The following CHRNA6 variants were observed in gnomAD, a reference collection of about 807,000 sequenced individuals.
The protein encoded by CHRNA6 is neuronal acetylcholine receptor subunit alpha-6.
A neutral mutation model predicts 40.9 loss-of-function variants in CHRNA6; 31 were observed. The ratio of observed to expected loss-of-function variants is 0.76; its 90% confidence interval spans 0.57 to 1.02. The LOEUF (loss-of-function observed/expected upper bound fraction) is 1.02, where lower values mean the gene tolerates loss of function less well. Ranked by LOEUF, CHRNA6 falls within the 50% of genes least tolerant of loss-of-function variation. The pLI, the probability that CHRNA6 is intolerant of heterozygous loss-of-function variation, is 0.00. For synonymous variants in CHRNA6, 222 were observed against 221.3 expected, an observed-to-expected ratio of 1.00 and a Z score of -0.03; for missense variants, 546 against 596.6, an observed-to-expected ratio of 0.92 and a Z score of 0.88.
intron 2 of CHRNA6, among the ~76,000 whole-genome samples, chr8:42,760,222 C>T (rs955057165): frequency 2.6e-5 from 4 of 152,016 alleles, no homozygotes; most frequent in African/African-American, 7.3e-5. Context: ...TGCACACACA[C>T]GCACACTCAT....
intron 2 of CHRNA6, among the ~76,000 whole-genome samples, chr8:42,761,512 A>G (rs1362181783): frequency 6.6e-6 from 1 of 152,272 alleles, no homozygotes; most frequent in Admixed American, 6.5e-5. Flanking sequence ...CACTGTGTTC[A>G]GAAGGCTGAG....
chr8:42,759,290 C>T (rs1385801171), intron 2 of CHRNA6, 177 bp from the exon 3 acceptor site: 9 of 590,294 alleles, frequency 1.5e-5, no homozygotes, highest in Admixed American at 2.8e-5. Context: ...ATTTTCACAT[C>T]TGGCTCCAGC....
intron 5 of CHRNA6, among the ~76,000 whole-genome samples, chr8:42,755,637 T>G (rs1025698613): frequency 6.6e-6 from 1 of 152,154 alleles, no homozygotes; most frequent in Non-Finnish European, 1.5e-5. Context: ...GGAGATTTGC[T>G]CTGGGGCTAT....
At chr8:42,758,965 GATA>G in intron 3 of CHRNA6, 101 bp downstream of exon 3, 2 of 912,888 alleles carry the variant, frequency 2.2e-6, no homozygotes, top group Admixed American at 1.8e-5. Context: ...TGACCTAGTG[GATA>G]ATATTTTATA....
chr8:42,760,375 T>C (rs527563134), intron 2 of CHRNA6, among the ~76,000 whole-genome samples: 13 of 148,524 alleles, frequency 8.8e-5, no homozygotes, highest in Middle Eastern at 7.8e-3. Context: ...TGCAAACTCA[T>C]ATACCCACTC....
chr8:42,760,338 G>A (rs1028050196), intron 2 of CHRNA6, among the ~76,000 whole-genome samples: 9 of 147,164 alleles, frequency 6.1e-5, no homozygotes, highest in Non-Finnish European at 1.0e-4. Flanking sequence ...ACACTCATGC[G>A]CACACACACT....
chr8:42,755,776 A>G (rs973501376), intron 5 of CHRNA6, 70 bp downstream of exon 5: 6 of 1,515,040 alleles, frequency 4.0e-6, no homozygotes, highest in Non-Finnish European at 5.4e-6. Context: ...TGAAGGTCTG[A>G]CTGTGCATCC....
Position 42,756,458 on chromosome 8 carries a change from C to T in CHRNA6, c.741G>A (p.Leu247=). ...ATGAAATAAAGAGACAAGGGATGAT[C>T]AGATTAATCGTGTAAAACATCGGCA... ...RRLPMFYTIN[L]IIPCLFISFL... The change falls in exon 5 of 6, where the codon CTG becomes CTA. Residue 247 remains leucine, a synonymous_variant. Transcript: ENST00000276410. 1 of 1,614,188 alleles carries T rather than the reference C, an allele frequency of 6.2e-7. No individual in the cohort carries two copies. Among genetic ancestry groups the T allele is most frequent in the Non-Finnish European group, 8.5e-7 (1 of 1,180,040 alleles).
chr8:42,764,596 G>A (rs1316422577), intron 2 of CHRNA6, among the ~76,000 whole-genome samples: 2 of 152,104 alleles, frequency 1.3e-5, no homozygotes, highest in Non-Finnish European at 2.9e-5. Context: ...CAAAGTGCTG[G>A]GATTACAGGA....
chr8:42,760,411 C>T (rs1418914492), intron 2 of CHRNA6, among the ~76,000 whole-genome samples: 1 of 152,062 alleles, frequency 6.6e-6, no homozygotes, highest in Non-Finnish European at 1.5e-5. Context: ...CATTCGTACT[C>T]TTATACGTAT....
At chr8:42,759,895 CA>C (rs796621742) in intron 2 of CHRNA6, among the ~76,000 whole-genome samples, 40,497 of 99,326 alleles carry the variant, frequency 0.41, 8,600 homozygotes, top group African/African-American at 0.68. Context: ...GACTCCATCT[CA>C]AAAAAAAAAA....
In CHRNA6 at chr8:42,753,134, C is replaced by T. The variant is rs770116227; in HGVS notation, c.*45G>A. On this transcript the variant is annotated 3_prime_UTR_variant, in exon 6 of 6. Transcript: ENST00000276410. ...TTTCCTTGTGGCAGGGAATGCAGAACAAATATGGTGTCTGTAAATTTCTGA... is the reference window on the plus strand; with the variant it reads ...TTTCCTTGTGGCAGGGAATGCAGAATAAATATGGTGTCTGTAAATTTCTGA... The T allele has an allele frequency of 6.4e-7, 1 of 1,556,384 alleles. No individual in the cohort carries two copies. The highest frequency in any genetic ancestry group is 8.7e-7 in the Non-Finnish European group (1 of 1,152,916).
intron 5 of CHRNA6, among the ~76,000 whole-genome samples, chr8:42,754,676 C>G (rs1009918138): frequency 7.2e-5 from 11 of 152,200 alleles, no homozygotes; most frequent in Non-Finnish European, 1.5e-5. Context: ...GAGGTCAAAC[C>G]TAGACACCAG....
chr8:42,755,700 C>A, intron 5 of CHRNA6, 146 bp downstream of exon 5: 1 of 926,844 alleles, frequency 1.1e-6, no homozygotes. Context: ...CCACCCATAA[C>A]CACATAATAA....
At position 42,764,482 on chromosome 8, in the gene CHRNA6, T is replaced by C. The variant is rs534745889; in HGVS notation, c.219+583A>G. On this transcript the variant is annotated intron_variant, in intron 2 of 5. Coordinates refer to ENST00000276410, the MANE Select transcript of CHRNA6 (RefSeq NM_004198.3). Reference sequence around the variant, plus strand: ...AGCAGGAGCTACAGGCATGTGCCACTACACCTGGCTAATTTTTGCATTTTT... The same window carrying C: ...AGCAGGAGCTACAGGCATGTGCCACCACACCTGGCTAATTTTTGCATTTTT... Among the ~76,000 whole-genome samples the C allele has an allele frequency of 2.0e-5, 3 of 152,132 alleles. No individual in the cohort carries two copies. In the South Asian group the frequency reaches 6.2e-4, roughly 32 times the overall value.
Position 42,768,469 on chromosome 8 carries a change from G to C in CHRNA6, c.-39C>G, listed in dbSNP as rs779268752. On this transcript the variant is annotated 5_prime_UTR_variant, in exon 1 of 6. It adds an upstream start codon to the 5' untranslated region. Transcript: ENST00000276410. Reference sequence around the variant, plus strand: ...TTGGATTCCTTTTTCCTAGGCAAAGGATTGTGGAAAACAAAGAGCTATCAG... The same window carrying C: ...TTGGATTCCTTTTTCCTAGGCAAAGCATTGTGGAAAACAAAGAGCTATCAG... The C allele has an allele frequency of 6.4e-7, 1 of 1,551,230 alleles. No homozygotes were observed.
In CHRNA6 at chr8:42,768,407, T is replaced by A; in HGVS notation, c.24A>T (p.Gly8=). Residue 8 remains glycine, a synonymous_variant, in exon 1 of 6, where the codon GGA becomes GGT. Coordinates refer to ENST00000276410, the MANE Select transcript of CHRNA6 (RefSeq NM_004198.3). MLTSKGQ[G]FLHGGLCLWL... is the part of the protein sequence containing the mutation. ...AGAGACACAAGCCCCCATGAAGGAA[T>A]CCCTGCCCCTTGCTGGTCAGCATGG... is the stretch of plus-strand genomic sequence containing the variant. The A allele has an allele frequency of 6.5e-7, 1 of 1,530,002 alleles. No homozygotes were observed. The highest frequency in any genetic ancestry group is 9.1e-7 in the Non-Finnish European group (1 of 1,104,272). 94.8% of individuals were successfully genotyped at this position (1,530,002 alleles called of 1,614,324 possible). A position where few individuals can be genotyped will look rare whatever the true frequency, so the allele number is the denominator to read the frequency against.
intron 2 of CHRNA6, among the ~76,000 whole-genome samples, chr8:42,761,297 T>C (rs575636570): frequency 2.0e-5 from 3 of 152,366 alleles, no homozygotes; most frequent in African/African-American, 7.2e-5. Flanking sequence ...TTCATGGCTT[T>C]ACGATTACAC....
At chr8:42,753,710 G>T (rs1816754942) in intron 5 of CHRNA6, among the ~76,000 whole-genome samples, 1 of 152,092 alleles carries the variant, frequency 6.6e-6, no homozygotes, top group South Asian at 2.1e-4. Context: ...GCAAATATTG[G>T]TATTTGGTGA....
Sources: gnomAD v4.1 joint callset for allele counts (sites outside exome capture counted in the v4.1 genomes callset) on GRCh38, gnomAD v4.1.1 for gene constraint, MANE v1.5 for transcripts, NCBI Gene and HGNC (gene_info 2026-07-23, HGNC 2026-07-21) for gene names.